The following CAST variants were observed in gnomAD, a reference collection of about 807,000 sequenced individuals.
The protein encoded by CAST is MIR583 host.
Under a neutral mutation model 119.6 loss-of-function variants are expected in CAST, and 76 were observed. The observed-to-expected ratio is 0.64, with a 90% CI of 0.53 to 0.77. CAST has a LOEUF of 0.77. Among genes scored for constraint, CAST ranks in the 30% least tolerant of loss-of-function variants. The probability of loss-of-function intolerance (pLI) is 0.00; values close to 1 mark genes in which losing one functional copy is unlikely to be tolerated. For missense variants in CAST, 953 were observed against 946.5 expected (o/e 1.01, Z -0.09); for synonymous variants, 319 against 331.6 (o/e 0.96, Z 0.41).
At chr5:96,702,692 C>A in intron 3 of CAST, 12 of 796,756 alleles carry the variant, frequency 1.5e-5, no homozygotes, top group Non-Finnish European at 1.7e-5. Flanking sequence ...GACGAGTCCA[C>A]GGAGCGGGAC....
At chr5:96,532,986 C>A (rs560395420) in intron 1 of CAST, among the ~76,000 whole-genome samples, 56 of 150,414 alleles carry the variant, frequency 3.7e-4, no homozygotes, top group Non-Finnish European at 6.6e-4. Flanking sequence ...GATTGTGCCA[C>A]TGCACTCCAG....
intron 1 of CAST, among the ~76,000 whole-genome samples, chr5:96,652,449 A>G (rs1469267634): frequency 6.6e-6 from 1 of 152,170 alleles, no homozygotes. Context: ...AAAACTCTGG[A>G]GGAGGAACAT....
chr5:96,742,713 C>A lies in CAST; in HGVS notation c.1157C>A (p.Ala386Glu). ...TCGGCTTCACTGGGCACCCGGCAAGCAGAACCTGAGCTCGACCTCCGCTCA... is the reference window on the plus strand; with the variant it reads ...TCGGCTTCACTGGGCACCCGGCAAGAAGAACCTGAGCTCGACCTCCGCTCA... ...ALSASLGTRQ[A>E]EPELDLRSIK... Residue 386 changes from alanine (A) to glutamate (E), a missense_variant, in exon 16 of 32, where the codon GCA (alanine) becomes GAA (glutamate). Coordinates refer to ENST00000675179, the MANE Select transcript of CAST (RefSeq NM_001750.7). 1 of 1,613,974 alleles carries A rather than the reference C, an allele frequency of 6.2e-7. No homozygotes were observed. The highest frequency in any genetic ancestry group is 8.5e-7 in the Non-Finnish European group (1 of 1,179,894).
the CAST span, among the ~76,000 whole-genome samples, chr5:96,069,077 G>C: frequency 6.7e-6 from 1 of 150,196 alleles, no homozygotes; most frequent in South Asian, 2.1e-4. Flanking sequence ...GTATATATAT[G>C]TATACACATA....
At chr5:96,168,023 A>G in the CAST span, among the ~76,000 whole-genome samples, 1 of 152,154 alleles carries the variant, frequency 6.6e-6, no homozygotes, top group Non-Finnish European at 1.5e-5. Context: ...GTGGCTTGTA[A>G]CTTACATAGA....
chr5:96,313,679 C>T, the CAST span, among the ~76,000 whole-genome samples: 13 of 152,092 alleles, frequency 8.5e-5, no homozygotes, highest in Non-Finnish European at 1.8e-4. Flanking sequence ...TTCATGTAAC[C>T]TTCACTTTAT....
chr5:96,459,762 AT>A, the CAST span, among the ~76,000 whole-genome samples: 1 of 152,192 alleles, frequency 6.6e-6, no homozygotes, highest in Non-Finnish European at 1.5e-5. Flanking sequence ...CTAATAGAAC[AT>A]ATTTGTCTTG....
At chr5:96,080,821 C>T in the CAST span, among the ~76,000 whole-genome samples, 1 of 152,130 alleles carries the variant, frequency 6.6e-6, no homozygotes, top group Non-Finnish European at 1.5e-5. Context: ...TCTGGCTGGG[C>T]CCTCTCTTTA....
At chr5:96,049,192 T>C in the CAST span, among the ~76,000 whole-genome samples, 1 of 152,208 alleles carries the variant, frequency 6.6e-6, no homozygotes, top group African/African-American at 2.4e-5. Flanking sequence ...ATGTACCTTT[T>C]CTGTATATGT....
intron 1 of CAST, chr5:96,662,856 G>A: frequency 3.5e-6 from 2 of 563,448 alleles, no homozygotes; most frequent in Non-Finnish European, 6.2e-6. Context: ...GCGGGATGTA[G>A]TCTTCCGCGC....
At chr5:96,719,602 T>C (rs1293257622) in intron 3 of CAST, among the ~76,000 whole-genome samples, 1 of 152,240 alleles carries the variant, frequency 6.6e-6, no homozygotes, top group African/African-American at 2.4e-5. Context: ...TTTGGGATAT[T>C]AAGATAGGTA....
chr5:96,147,246 G>A, the CAST span, among the ~76,000 whole-genome samples: 1 of 152,214 alleles, frequency 6.6e-6, no homozygotes, highest in Non-Finnish European at 1.5e-5. Context: ...GCATTAAACA[G>A]AATGCCTAAT....
At chr5:96,603,669 CAATT>C (rs1197153320) in intron 1 of CAST, among the ~76,000 whole-genome samples, 2 of 147,942 alleles carry the variant, frequency 1.4e-5, no homozygotes, top group Admixed American at 6.7e-5. Flanking sequence ...TGTAAAATAA[CAATT>C]AAAAGTATAA....
At chr5:96,229,597 G>A in the CAST span, among the ~76,000 whole-genome samples, 1 of 152,250 alleles carries the variant, frequency 6.6e-6, no homozygotes, top group South Asian at 2.1e-4. Flanking sequence ...TTAAGTTAGA[G>A]TGAATTCTAA....
the CAST span, chr5:96,425,761 A>G: frequency 1.1e-6 from 1 of 917,896 alleles, no homozygotes; most frequent in African/African-American, 1.6e-5. Context: ...TGCAAATGTA[A>G]CAACATAAAG....
intron 1 of CAST, among the ~76,000 whole-genome samples, chr5:96,663,896 T>A (rs1748942567): frequency 6.6e-6 from 1 of 150,822 alleles, no homozygotes; most frequent in African/African-American, 2.4e-5. Context: ...GCACTTCTAG[T>A]GTTTTGGAAC....
At chr5:96,559,946 T>C (rs1041643997) in intron 1 of CAST, among the ~76,000 whole-genome samples, 5 of 152,184 alleles carry the variant, frequency 3.3e-5, no homozygotes, top group Non-Finnish European at 7.3e-5. Flanking sequence ...ACTACCTGCC[T>C]TCAAACTATA....
At chr5:95,984,691 A>T in the CAST span, among the ~76,000 whole-genome samples, 3 of 152,324 alleles carry the variant, frequency 2.0e-5, no homozygotes, top group Admixed American at 2.0e-4. Flanking sequence ...TCACCAAAAT[A>T]GAGTGTCTTT....
chr5:96,035,797 G>A, the CAST span, among the ~76,000 whole-genome samples: 3 of 151,306 alleles, frequency 2.0e-5, no homozygotes, highest in Admixed American at 1.3e-4. Flanking sequence ...GGGTGGAGCC[G>A]CTACCAGTCT....
Sources: gnomAD v4.1 joint callset for allele counts (sites outside exome capture counted in the v4.1 genomes callset) on GRCh38, gnomAD v4.1.1 for gene constraint, MANE v1.5 for transcripts, NCBI Gene and HGNC (gene_info 2026-07-23, HGNC 2026-07-21) for gene names.